ACER1: variants seen among roughly 807,000 people sequenced by gnomAD.
ACER1 encodes the protein CTB-180A7.3.
A neutral mutation model predicts 24.9 loss-of-function variants in ACER1; 28 were observed. The ratio of observed to expected loss-of-function variants is 1.13; its 90% confidence interval spans 0.83 to 1.54. The LOEUF is 1.54. Ranked by LOEUF, ACER1 falls within the 40% of genes most tolerant of loss-of-function variation. ACER1 has a pLI of 0.00. For missense variants in ACER1, 352 were observed against 349.3 expected (o/e 1.01, Z -0.06); for synonymous variants, 132 against 131.4 (o/e 1.00, Z -0.03).
chr19:6,312,074 G>T, intron 3 of ACER1, 75 bp downstream of exon 3: 3 of 1,535,254 alleles, frequency 2.0e-6, no homozygotes, highest in Non-Finnish European at 2.6e-6. Flanking sequence ...GGACCCAGGG[G>T]ACTCAGGTGA....
the ACER1 span, among the ~76,000 whole-genome samples, chr19:6,344,196 G>A: frequency 6.6e-6 from 1 of 152,038 alleles, no homozygotes; most frequent in Non-Finnish European, 1.5e-5. Context: ...CCGAACCCAG[G>A]AGGTGGAGCT....
upstream of ACER1, among the ~76,000 whole-genome samples, chr19:6,336,053 A>G (rs1452600433): frequency 6.6e-6 from 1 of 151,778 alleles, no homozygotes; most frequent in East Asian, 2.0e-4. Context: ...GGCACCCGCC[A>G]GCATGCCCGG....
chr19:6,336,122 A>C (rs1405652458), upstream of ACER1, among the ~76,000 whole-genome samples: 1 of 151,854 alleles, frequency 6.6e-6, no homozygotes, highest in Non-Finnish European at 1.5e-5. Flanking sequence ...GCTAGTCTCG[A>C]ACTCGTGACT....
At chr19:6,332,870 C>T (rs2091695214) in intron 1 of ACER1, among the ~76,000 whole-genome samples, 2 of 151,936 alleles carry the variant, frequency 1.3e-5, no homozygotes, top group Admixed American at 1.3e-4. Context: ...GCTTTCACCA[C>T]GTTGCCCAGG....
intron 4 of ACER1, among the ~76,000 whole-genome samples, chr19:6,308,435 CAAA>C (rs11343156): frequency 2.3e-3 from 235 of 103,840 alleles, no homozygotes; most frequent in Admixed American, 2.5e-3. Context: ...GACTCCGTCT[CAAA>C]AAAAAAAAAA....
the ACER1 span, among the ~76,000 whole-genome samples, chr19:6,349,847 G>T: frequency 6.6e-6 from 1 of 152,070 alleles, no homozygotes; most frequent in Non-Finnish European, 1.5e-5. Context: ...AGGGGATCTG[G>T]GGGCTGGGCA....
chr19:6,329,537 T>C (rs2091677920), intron 1 of ACER1, among the ~76,000 whole-genome samples: 1 of 152,094 alleles, frequency 6.6e-6, no homozygotes, highest in Non-Finnish European at 1.5e-5. Flanking sequence ...TAATAGGTGT[T>C]CTGATCAGAG....
At position 6,306,368 on chromosome 19, in the gene ACER1, C is replaced by T. The variant is rs550588852; in HGVS notation, c.*346G>A. ...CAGCCTAGAAGCTAATATTTAGATG[C>T]CACATCCTTCAGTCACCCCAGTACC... On this transcript the variant is annotated 3_prime_UTR_variant, in exon 6 of 6. Transcript: ENST00000301452. 5.0e-5 allele frequency: 10 copies of T among 200,484 alleles called. No individual in the cohort carries two copies. The East Asian group carries it at 9.3e-4, about 19-fold the overall frequency. The allele number at this position is 200,484 out of a possible 1,614,324, so 12.4% of individuals were successfully genotyped here. A position where few individuals can be genotyped will look rare whatever the true frequency, so the allele number is the denominator to read the frequency against.
At chr19:6,332,029 C>T (rs1355938899) in intron 1 of ACER1, among the ~76,000 whole-genome samples, 5 of 143,058 alleles carry the variant, frequency 3.5e-5, no homozygotes, top group African/African-American at 1.1e-4. Flanking sequence ...TGCAATGGTG[C>T]GATCTCGGCT....
At chr19:6,322,680 T>G (rs1020533155) in intron 1 of ACER1, among the ~76,000 whole-genome samples, 16 of 152,148 alleles carry the variant, frequency 1.1e-4, no homozygotes, top group African/African-American at 3.4e-4. Context: ...AATGATATGA[T>G]TTGGCTGTGT....
At chr19:6,347,109 A>AAAAAAAAAAAT in the ACER1 span, among the ~76,000 whole-genome samples, 44 of 113,818 alleles carry the variant, frequency 3.9e-4, no homozygotes, top group African/African-American at 1.9e-3. Flanking sequence ...AAAAAAAAAA[A>AAAAAAAAAAAT]ATATATATAT....
the ACER1 span, among the ~76,000 whole-genome samples, chr19:6,358,653 G>T: frequency 6.6e-6 from 1 of 150,722 alleles, no homozygotes; most frequent in African/African-American, 2.5e-5. Context: ...GAGTCCAGTG[G>T]CCGGGCGCAG....
the ACER1 span, among the ~76,000 whole-genome samples, chr19:6,347,652 A>G: frequency 6.6e-6 from 1 of 151,568 alleles, no homozygotes; most frequent in Non-Finnish European, 1.5e-5. Context: ...CCTGACCAAC[A>G]TGGCAAAAGC....
chr19:6,347,356 G>A, the ACER1 span, among the ~76,000 whole-genome samples: 4 of 149,094 alleles, frequency 2.7e-5, no homozygotes, highest in South Asian at 4.3e-4. Flanking sequence ...TAGTGGTGAC[G>A]ACAGGTGTGC....
intron 3 of ACER1, 30 bp downstream of exon 3, chr19:6,312,119 C>T (rs1034252915): frequency 1.2e-6 from 2 of 1,609,026 alleles, no homozygotes; most frequent in Non-Finnish European, 1.7e-6. Context: ...TCAGACCCCA[C>T]CCTGTCCAGA....
chr19:6,309,643 G>T (rs766148762), intron 4 of ACER1, 54 bp downstream of exon 4: 2 of 1,609,358 alleles, frequency 1.2e-6, no homozygotes, highest in Non-Finnish European at 1.7e-6. Context: ...GGAGTCAGGG[G>T]TGCTAGGAGG....
intron 5 of ACER1, 22 bp downstream of exon 5, chr19:6,307,131 C>A (rs531533771): frequency 2.5e-6 from 4 of 1,612,812 alleles, no homozygotes; most frequent in Non-Finnish European, 2.5e-6. Flanking sequence ...GGGCCCCCCA[C>A]AGCCTCAGAG....
At chr19:6,337,451 C>CT (rs371861549), upstream of ACER1, among the ~76,000 whole-genome samples, 5 of 146,236 alleles carry the variant, frequency 3.4e-5, no homozygotes, top group South Asian at 2.1e-4. Context: ...ACAAAGTTTC[C>CT]TTTTTTTTTC....
In ACER1 at chr19:6,326,347, C is replaced by T. The variant is rs370320109; in HGVS notation, c.93+7112G>A. Among the ~76,000 whole-genome samples the T allele has an allele frequency of 2.8e-4, 42 of 152,078 alleles. 1 individual carries two copies. The highest frequency in any genetic ancestry group is 2.1e-3 in the East Asian group (11 of 5,180). ...TTCACCGTGTTAGCCAGGATGGTCT[C>T]GATCTCCTGACCTTGTGATCCGCCG... On this transcript the variant is annotated intron_variant, in intron 1 of 5. Transcript: ENST00000301452.
Sources: gnomAD v4.1 joint callset for allele counts (sites outside exome capture counted in the v4.1 genomes callset) on GRCh38, gnomAD v4.1.1 for gene constraint, MANE v1.5 for transcripts, NCBI Gene and HGNC (gene_info 2026-07-23, HGNC 2026-07-21) for gene names.